Variants in EBF2 observed in about 807,000 individuals in gnomAD.
The protein encoded by EBF2 is EBF transcription factor 2.
Under a neutral mutation model 72.8 loss-of-function variants are expected in EBF2, and 21 were observed. The ratio of observed to expected loss-of-function variants is 0.29; its 90% CI spans 0.20 to 0.42. EBF2 has a LOEUF of 0.42. Among genes scored for constraint, EBF2 ranks in the 10% least tolerant of loss-of-function variants. The pLI is 1.00. For synonymous variants in EBF2, 299 were observed against 274.2 expected, an observed-to-expected ratio of 1.09 and a Z score of -0.89; for missense variants, 637 against 731.2, an observed-to-expected ratio of 0.87 and a Z score of 1.49.
intron 10 of EBF2, among the ~76,000 whole-genome samples, chr8:25,878,367 G>C (rs964991453): frequency 6.6e-6 from 1 of 152,194 alleles, no homozygotes; most frequent in African/African-American, 2.4e-5. Flanking sequence ...AAAGACAGGA[G>C]GGCTTTGTCT....
chr8:25,849,420 G>T (rs1413702281), intron 15 of EBF2, among the ~76,000 whole-genome samples: 1 of 152,136 alleles, frequency 6.6e-6, no homozygotes, highest in African/African-American at 2.4e-5. Flanking sequence ...CAAACCACCA[G>T]GCAGATGCCA....
chr8:25,911,302 G>A (rs1803125458), intron 6 of EBF2, among the ~76,000 whole-genome samples: 1 of 152,176 alleles, frequency 6.6e-6, no homozygotes, highest in Non-Finnish European at 1.5e-5. Context: ...TCCAAACAAT[G>A]TTGACAACGT....
At chr8:25,864,108 AATT>A (rs991986703) in intron 10 of EBF2, among the ~76,000 whole-genome samples, 1 of 152,160 alleles carries the variant, frequency 6.6e-6, no homozygotes, top group African/African-American at 2.4e-5. Flanking sequence ...GCATAACTTT[AATT>A]ATTTCAATTG....
At chr8:25,916,540 C>T (rs371924745) in intron 6 of EBF2, among the ~76,000 whole-genome samples, 21 of 152,082 alleles carry the variant, frequency 1.4e-4, no homozygotes, top group African/African-American at 5.1e-4. Flanking sequence ...GGAGCTGTCA[C>T]GAATTTAAAT....
intron 7 of EBF2, among the ~76,000 whole-genome samples, chr8:25,908,221 GAA>G (rs1233342861): frequency 1.3e-5 from 2 of 152,206 alleles, no homozygotes; most frequent in African/African-American, 4.8e-5. Flanking sequence ...CCCGAGGGCT[GAA>G]AATCAAATCT....
At chr8:25,875,807 A>G (rs1044370307) in intron 10 of EBF2, among the ~76,000 whole-genome samples, 1 of 152,230 alleles carries the variant, frequency 6.6e-6, no homozygotes, top group African/African-American at 2.4e-5. Flanking sequence ...TTTGTTTAAA[A>G]TATACATTCC....
chr8:25,879,905 G>C (rs1040225771), intron 10 of EBF2, among the ~76,000 whole-genome samples: 1 of 152,152 alleles, frequency 6.6e-6, no homozygotes, highest in Non-Finnish European at 1.5e-5. Context: ...GGGAAAAAAA[G>C]GTGATCTTGT....
At chr8:25,987,201 G>C (rs1804475603) in intron 6 of EBF2, among the ~76,000 whole-genome samples, 1 of 152,216 alleles carries the variant, frequency 6.6e-6, no homozygotes, top group Non-Finnish European at 1.5e-5. Context: ...AGTTTTATAT[G>C]ACTTGGATAA....
In EBF2 at chr8:25,850,693, A is replaced by C; in HGVS notation, c.1597T>G (p.Phe533Val). 1 of 1,564,122 alleles carries C rather than the reference A, an allele frequency of 6.4e-7. No homozygotes were observed. The highest frequency in any genetic ancestry group is 8.6e-7 in the Non-Finnish European group (1 of 1,163,484). Reference sequence around the variant, plus strand: ...GCACTCTTCTGTTTGACAGCAGGAAAAACTGAAGAGGAAAATGGGAGGATG... The same window carrying C: ...GCACTCTTCTGTTTGACAGCAGGAACAACTGAAGAGGAAAATGGGAGGATG... ...SSILPFSSSV[F>V]PAVKQKSAFA... The change falls in exon 15 of 16, where the codon TTT becomes GTT. Residue 533 changes from phenylalanine (F) to valine (V), a missense_variant. Phe to Val is a conservative substitution (Grantham distance 50). Coordinates refer to ENST00000520164, the MANE Select transcript of EBF2 (RefSeq NM_022659.4).
chr8:26,005,557 T>TAGAGAGAGAGAGAGAG (rs1480763824), intron 6 of EBF2, among the ~76,000 whole-genome samples: 97 of 45,076 alleles, frequency 2.2e-3, no homozygotes, highest in South Asian at 6.8e-3. Flanking sequence ...TATATATATA[T>TAGAGAGAGAGAGAGAG]ATATAGAGAG....
chr8:25,981,977 G>A (rs893511354), intron 6 of EBF2, among the ~76,000 whole-genome samples: 3 of 152,032 alleles, frequency 2.0e-5, no homozygotes, highest in Admixed American at 1.3e-4. Context: ...CAAACCAAAG[G>A]CTATCTGGTA....
intron 6 of EBF2, among the ~76,000 whole-genome samples, chr8:25,943,472 T>G (rs1480388874): frequency 5.3e-5 from 8 of 152,214 alleles, no homozygotes; most frequent in African/African-American, 1.7e-4. Flanking sequence ...ATCATGCCAC[T>G]GCACTCCAGT....
chr8:25,927,067 C>T (rs1392539333), intron 6 of EBF2, among the ~76,000 whole-genome samples: 1 of 152,110 alleles, frequency 6.6e-6, no homozygotes, highest in African/African-American at 2.4e-5. Flanking sequence ...GGTACATCTA[C>T]AAACTGGTTG....
intron 11 of EBF2, 137 bp downstream of exon 11, chr8:25,862,572 A>T (rs1434615102): frequency 2.1e-6 from 1 of 470,694 alleles, no homozygotes; most frequent in East Asian, 3.4e-5. Flanking sequence ...CAGATATTTT[A>T]TGTGCATCTC....
chr8:25,888,237 G>A (rs1470398096), intron 8 of EBF2, among the ~76,000 whole-genome samples: 3 of 152,166 alleles, frequency 2.0e-5, no homozygotes, highest in Non-Finnish European at 4.4e-5. Flanking sequence ...CATTCAAAGG[G>A]CTGGACACCC....
intron 6 of EBF2, among the ~76,000 whole-genome samples, chr8:26,015,767 C>G (rs1805101570): frequency 6.6e-6 from 1 of 152,178 alleles, no homozygotes. Flanking sequence ...TTTGTCCAAC[C>G]ATCACTGCAT....
At chr8:25,846,484 T>C (rs546051894) in intron 15 of EBF2, among the ~76,000 whole-genome samples, 1 of 152,106 alleles carries the variant, frequency 6.6e-6, no homozygotes, top group African/African-American at 2.4e-5. Flanking sequence ...GCCCAGGAGT[T>C]CAAGACCAGC....
Position 25,909,019 on chromosome 8 carries a change from T to C in EBF2, c.552-464A>G, listed in dbSNP as rs150125599. ...GCTCATACGTGAAGGTGGCCTGATA[T>C]ATTCAACTAATGTTTACAAAATCAG... is the stretch of plus-strand genomic sequence containing the variant. On this transcript the variant is annotated intron_variant, in intron 6 of 15. Transcript: ENST00000520164. Among the ~76,000 whole-genome samples the C allele has an allele frequency of 1.4e-3, 209 of 152,272 alleles. 1 individual carries two copies. In the East Asian group the frequency reaches 0.036, roughly 26 times the overall value.
At chr8:25,979,908 C>T (rs191517330) in intron 6 of EBF2, among the ~76,000 whole-genome samples, 84 of 152,160 alleles carry the variant, frequency 5.5e-4, no homozygotes, top group African/African-American at 1.7e-3. Context: ...ATCCCCTCCC[C>T]CTTTTAGCAA....
Sources: allele counts gnomAD v4.1 joint callset (sites outside exome capture counted in the v4.1 genomes callset), GRCh38; gene constraint gnomAD v4.1.1; transcripts MANE v1.5; gene names NCBI Gene and HGNC (gene_info 2026-07-23, HGNC 2026-07-21).